The following KIAA1755 variants were observed in gnomAD, a reference collection of about 807,000 sequenced individuals.
KIAA1755 encodes KIAA1755, also known as uncharacterized protein KIAA1755.
A neutral mutation model predicts 91.7 loss-of-function variants in KIAA1755; 68 were observed. The observed-to-expected ratio is 0.74, with a 90% CI of 0.61 to 0.91. The LOEUF (loss-of-function observed/expected upper bound fraction) is 0.91, where lower values mean the gene tolerates loss of function less well. Ranked by LOEUF, KIAA1755 falls within the 40% of genes least tolerant of loss-of-function variation. The pLI is 0.00. For missense variants in KIAA1755, 1,535 were observed against 1,494.4 expected (o/e 1.03, Z -0.45); for synonymous variants, 610 against 604.6 (o/e 1.01, Z -0.13).
At chr20:38,240,493 G>T (rs996804642) in intron 3 of KIAA1755, 89 bp downstream of exon 3, 1 of 1,326,604 alleles carries the variant, frequency 7.5e-7, no homozygotes, top group Non-Finnish European at 9.9e-7. Flanking sequence ...AGCCCAGGTG[G>T]TCTCTATCAC....
intron 1 of KIAA1755, among the ~76,000 whole-genome samples, chr20:38,259,435 T>G (rs1331924055): frequency 6.6e-6 from 1 of 150,946 alleles, no homozygotes; most frequent in Non-Finnish European, 1.5e-5. Context: ...CATTCAGGTG[T>G]GCTCTGTGCG....
chr20:38,241,555 T>C lies in KIAA1755; in HGVS notation c.576A>G (p.Gln192=), dbSNP rs762622069. Residue 192 remains glutamine (Q), a synonymous_variant, in exon 3 of 14, where the codon CAA becomes CAG. Transcript: ENST00000279024. ...AGGCTTGGCAGAGGGCATTCACTAC[T>C]TGGGGTCTGTCATCCACAAACTCTG... ...TSPEFVDDRP[Q]VVNALCQAWG... is the part of the protein sequence containing the mutation. 1.1e-5 allele frequency: 17 copies of C among 1,614,104 alleles called. No individual in the cohort carries two copies. In the Admixed American group the frequency reaches 1.2e-4, roughly 11 times the overall value.
rs1019425050 is a variant in KIAA1755, at chr20:38,243,051, A to T, written c.202-1122T>A. Among the ~76,000 whole-genome samples, 9 of 152,332 alleles carry T rather than the reference A, an allele frequency of 5.9e-5. No individual in the cohort carries two copies. The East Asian group carries it at 1.5e-3, about 26-fold the overall frequency. Reference sequence around the variant, plus strand: ...TGTGCGGGACCAGTGTTCAACAGTGACACCATGTGGCAACAACGGAAACAA... The same window carrying T: ...TGTGCGGGACCAGTGTTCAACAGTGTCACCATGTGGCAACAACGGAAACAA... On this transcript the variant is annotated intron_variant, in intron 2 of 13. Coordinates refer to ENST00000279024, the MANE Select transcript of KIAA1755 (RefSeq NM_001029864.2).
At chr20:38,249,439 G>A (rs1041224570) in intron 1 of KIAA1755, among the ~76,000 whole-genome samples, 1 of 152,214 alleles carries the variant, frequency 6.6e-6, no homozygotes, top group Non-Finnish European at 1.5e-5. Context: ...AATACAATAG[G>A]AACTCTGAGG....
Position 38,239,648 on chromosome 20 carries a change from C to T in KIAA1755, c.1627G>A (p.Glu543Lys). The part of the protein sequence containing the change: ...PLTEEKAALP[E>K]ASAGSPERGP... ...CTTTCTGGGGAGCCTGCAGAAGCTT[C>T]TGGCAAGGCAGCCTTTTCCTCAGTC... is the stretch of plus-strand genomic sequence containing the variant. The change falls in exon 4 of 14, where the codon GAA (glutamate) becomes AAA (lysine). Residue 543 changes from glutamate (E) to lysine (K), a missense_variant. Glu to Lys is a moderately conservative substitution (Grantham distance 56). Transcript: ENST00000279024. The T allele has an allele frequency of 6.2e-7, 1 of 1,606,752 alleles. No individual in the cohort carries two copies.
chr20:38,234,623 C>T (rs964588562), intron 4 of KIAA1755, among the ~76,000 whole-genome samples: 1 of 152,186 alleles, frequency 6.6e-6, no homozygotes, highest in Non-Finnish European at 1.5e-5. Flanking sequence ...CCCCTAGCTC[C>T]AAGGTCACGC....
rs905814546 is a variant in KIAA1755 at position 38,225,254 on chromosome 20, G to A, written c.2169+411C>T. Among the ~76,000 whole-genome samples the A allele has an allele frequency of 2.6e-5, 4 of 152,148 alleles. No homozygotes were observed. In the South Asian group the frequency reaches 6.2e-4, roughly 24 times the overall value. On this transcript the variant is annotated intron_variant, in intron 8 of 13. Coordinates refer to ENST00000279024, the MANE Select transcript of KIAA1755 (RefSeq NM_001029864.2). ...TCACCTCATGTGATCCACCCATCTCGGCCTCCCAAAGTGCTGGGATTACAG... is the reference window on the plus strand; with the variant it reads ...TCACCTCATGTGATCCACCCATCTCAGCCTCCCAAAGTGCTGGGATTACAG...
intron 6 of KIAA1755, 60 bp downstream of exon 6, chr20:38,228,087 C>T: frequency 7.6e-7 from 1 of 1,307,436 alleles, no homozygotes; most frequent in Non-Finnish European, 1.0e-6. Context: ...CTATGAATGT[C>T]AGGAGGCCCC....
Position 38,218,243 on chromosome 20 carries a change from CTG to C in KIAA1755, c.2678_2679del (p.Ala893GlyfsTer47). The part of the protein sequence containing the change: ...AEFENFFLQA[A>X]AQYRRGLELS... The stretch of plus-strand genomic sequence containing the variant: ...CTGCTCCTCTGTTGTCTGGAACGCA[CTG>C]CAGCCTGGAGGAAGAAGTTCTCAAA... On this transcript the variant is annotated frameshift_variant and splice_region_variant, in exon 12 of 14. Coordinates refer to ENST00000279024, the MANE Select transcript of KIAA1755 (RefSeq NM_001029864.2). LOFTEE classifies it high-confidence loss of function. The C allele has an allele frequency of 6.2e-7, 1 of 1,614,222 alleles. No homozygotes were observed. The highest frequency in any genetic ancestry group is 8.5e-7 in the Non-Finnish European group (1 of 1,180,054).
rs1411639583 is a variant in KIAA1755 at position 38,239,610 on chromosome 20, C to T, written c.1665G>A (p.Leu555=). ...SAGSPERGPT[L]EEEPPGPEPR... ...GCTCAGGCCCTGGGGGCTCCTCCTC[C>T]AGGGTGGGGCCTCTTTCTGGGGAGC... is the stretch of plus-strand genomic sequence containing the variant. The change falls in exon 4 of 14, where the codon CTG becomes CTA. Residue 555 remains leucine, a synonymous_variant. Coordinates refer to ENST00000279024, the MANE Select transcript of KIAA1755 (RefSeq NM_001029864.2). 6.2e-7 allele frequency: 1 copy of T among 1,605,692 alleles called. No homozygotes were observed. The highest frequency in any genetic ancestry group is 1.3e-5 in the African/African-American group (1 of 74,326).
intron 4 of KIAA1755, among the ~76,000 whole-genome samples, chr20:38,235,900 G>A (rs150606241): frequency 1.1e-4 from 16 of 152,282 alleles, no homozygotes; most frequent in African/African-American, 2.9e-4. Context: ...AAAACTTTAC[G>A]GGGAGACCTG....
At chr20:38,254,121 G>A (rs2076298155) in intron 1 of KIAA1755, among the ~76,000 whole-genome samples, 1 of 152,184 alleles carries the variant, frequency 6.6e-6, no homozygotes, top group South Asian at 2.1e-4. Context: ...CTGACCTCAG[G>A]TGATCCACCC....
intron 1 of KIAA1755, among the ~76,000 whole-genome samples, chr20:38,249,869 C>T (rs1176212831): frequency 1.3e-5 from 2 of 151,996 alleles, no homozygotes; most frequent in African/African-American, 4.8e-5. Context: ...GCAGTCCCTT[C>T]CCCTGCCAGG....
intron 7 of KIAA1755, among the ~76,000 whole-genome samples, chr20:38,226,154 A>C (rs1305298119): frequency 6.6e-6 from 1 of 152,166 alleles, no homozygotes; most frequent in Non-Finnish European, 1.5e-5. Flanking sequence ...CTTCTTTGTA[A>C]TCTTTGCACA....
intron 1 of KIAA1755, among the ~76,000 whole-genome samples, chr20:38,259,627 T>C (rs1333344243): frequency 2.6e-5 from 4 of 151,364 alleles, no homozygotes; most frequent in African/African-American, 9.7e-5. Flanking sequence ...AAATTCAACA[T>C]GGTTGGTCAC....
At chr20:38,259,449 ATGTGTATGTGTGTG>A (rs2076397029) in intron 1 of KIAA1755, among the ~76,000 whole-genome samples, 1 of 146,424 alleles carries the variant, frequency 6.8e-6, no homozygotes, top group African/African-American at 2.5e-5. Flanking sequence ...CTGTGCGTGC[ATGTGTATGTGTGTG>A]TGCATGTGTA....
chr20:38,260,444 G>T, intron 1 of KIAA1755, 54 bp downstream of exon 1: 1 of 1,533,536 alleles, frequency 6.5e-7, no homozygotes, highest in East Asian at 2.3e-5. Context: ...AATGGGGAGG[G>T]CTGTGCCCAC....
intron 1 of KIAA1755, among the ~76,000 whole-genome samples, chr20:38,254,769 C>T (rs1261249835): frequency 1.3e-5 from 2 of 149,820 alleles, no homozygotes; most frequent in African/African-American, 2.5e-5. Context: ...CTGGGCAGAG[C>T]GAGTCCCCAA....
chr20:38,258,588 G>A (rs1282961901), intron 1 of KIAA1755, among the ~76,000 whole-genome samples: 1 of 152,192 alleles, frequency 6.6e-6, no homozygotes, highest in Non-Finnish European at 1.5e-5. Context: ...ATCAGGGAAG[G>A]CTTTCCTGAA....
Sources: allele counts gnomAD v4.1 joint callset (sites outside exome capture counted in the v4.1 genomes callset), GRCh38; gene constraint gnomAD v4.1.1; transcripts MANE v1.5; gene names NCBI Gene and HGNC (gene_info 2026-07-23, HGNC 2026-07-21).